The following SEC22A variants were observed in gnomAD, a reference collection of about 807,000 sequenced individuals.
SEC22A encodes the protein SEC22 homolog A, vesicle trafficking protein.
In SEC22A, 22 loss-of-function variants were observed where a neutral mutation model predicts 35.3. That is an observed-to-expected ratio of 0.62 (90% CI 0.45 to 0.89). SEC22A has a LOEUF of 0.89. SEC22A is among the 40% of genes least tolerant of loss of function. The pLI is 0.00. For missense variants in SEC22A, 354 were observed against 362.5 expected (o/e 0.98, Z 0.19); for synonymous variants, 119 against 129.5 (o/e 0.92, Z 0.55).
In SEC22A at chr3:123,229,861, C is replaced by CAA. The variant is rs779270534; in HGVS notation, c.541+4575_541+4576dup. Among the ~76,000 whole-genome samples, 119 of 101,754 alleles carry CAA rather than the reference C, an allele frequency of 1.2e-3. 1 individual carries two copies. Among genetic ancestry groups the CAA allele is most frequent in the Admixed American group, 4.6e-3 (47 of 10,122 alleles). The allele number at this position is 101,754 out of a possible 152,430, so 66.8% of individuals were successfully genotyped here. ...TGGGCAACAGAGCAAGACTTCATCT[C>CAA]AAAAAAAAAAAATAAATAATAATAA... On this transcript the variant is annotated intron_variant, in intron 4 of 6. Coordinates refer to ENST00000492595, the MANE Select transcript of SEC22A (RefSeq NM_012430.5).
intron 4 of SEC22A, among the ~76,000 whole-genome samples, chr3:123,229,362 G>A (rs1937273218): frequency 6.6e-6 from 1 of 152,148 alleles, no homozygotes; most frequent in African/African-American, 2.4e-5. Context: ...ATTAACAGCT[G>A]ACTTCTTAGC....
At chr3:123,217,209 T>TG (rs1457340616) in intron 2 of SEC22A, among the ~76,000 whole-genome samples, 1 of 151,726 alleles carries the variant, frequency 6.6e-6, no homozygotes, top group Non-Finnish European at 1.5e-5. Context: ...AAACATTTTT[T>TG]TTTTTTGAGA....
intron 5 of SEC22A, among the ~76,000 whole-genome samples, chr3:123,256,803 A>C (rs1212687882): frequency 1.1e-4 from 14 of 130,008 alleles, no homozygotes; most frequent in African/African-American, 4.3e-4. Flanking sequence ...TCTGTCACCC[A>C]GGCTGGAGTG....
chr3:123,259,014 G>A (rs1029004175), intron 5 of SEC22A, among the ~76,000 whole-genome samples: 5 of 151,996 alleles, frequency 3.3e-5, no homozygotes, highest in African/African-American at 9.7e-5. Flanking sequence ...AATTTTTCAC[G>A]TTGGGATTTA....
intron 4 of SEC22A, among the ~76,000 whole-genome samples, chr3:123,240,227 G>A (rs968528072): frequency 6.6e-6 from 1 of 152,172 alleles, no homozygotes; most frequent in Non-Finnish European, 1.5e-5. Context: ...AGAATAAAAA[G>A]ACATGATTAC....
chr3:123,224,940 G>A (rs1331294243), intron 3 of SEC22A, among the ~76,000 whole-genome samples, 163 bp from the exon 4 acceptor site: 1 of 152,080 alleles, frequency 6.6e-6, no homozygotes. Flanking sequence ...ATGATTCCAT[G>A]ATACATTAAT....
chr3:123,232,884 G>T (rs912537254), intron 4 of SEC22A, among the ~76,000 whole-genome samples: 2 of 151,950 alleles, frequency 1.3e-5, no homozygotes, highest in African/African-American at 2.4e-5. Context: ...TATAATCCCA[G>T]CACTTTGGGA....
At chr3:123,235,439 G>A (rs1032042277) in intron 4 of SEC22A, among the ~76,000 whole-genome samples, 1 of 145,030 alleles carries the variant, frequency 6.9e-6, no homozygotes, top group African/African-American at 2.5e-5. Flanking sequence ...GATGTTCAAC[G>A]TCATAGTCAT....
chr3:123,234,190 G>A (rs531495994), intron 4 of SEC22A, among the ~76,000 whole-genome samples: 3 of 152,292 alleles, frequency 2.0e-5, no homozygotes, highest in African/African-American at 7.2e-5. Context: ...TATTTACATG[G>A]TTGTACTTCC....
At chr3:123,205,225 T>C (rs950577529) in intron 1 of SEC22A, among the ~76,000 whole-genome samples, 3 of 152,186 alleles carry the variant, frequency 2.0e-5, no homozygotes, top group Non-Finnish European at 2.9e-5. Context: ...TAAATTCAAG[T>C]GCTTTGGATG....
chr3:123,223,139 A>G (rs369466474), intron 2 of SEC22A, among the ~76,000 whole-genome samples: 1 of 152,210 alleles, frequency 6.6e-6, no homozygotes, highest in Admixed American at 6.5e-5. Context: ...ATTGTGTGCA[A>G]TCTTCTGTGT....
intron 4 of SEC22A, among the ~76,000 whole-genome samples, chr3:123,230,675 G>A (rs1184407298): frequency 2.9e-5 from 3 of 104,380 alleles, no homozygotes; most frequent in East Asian, 2.8e-4. Context: ...GTAAAATACC[G>A]TACTACCAAA....
rs1451508100 is a variant in SEC22A, at chr3:123,250,868, AATGAACATGTT to A, written c.657+4856_657+4866del. 3.9e-5 allele frequency among the ~76,000 whole-genome samples: 6 copies of A among 152,236 alleles called. No individual in the cohort carries two copies. The East Asian group carries it at 1.2e-3, about 29-fold the overall frequency. Reference sequence around the variant, plus strand: ...AAAGAAACTGGAAAGATAAGAGACTAATGAACATGTTAGGAACTGGACAGATGGAAAATTGA... The same window carrying A: ...AAAGAAACTGGAAAGATAAGAGACTAAGGAACTGGACAGATGGAAAATTGA... On this transcript the variant is annotated intron_variant, in intron 5 of 6. Transcript: ENST00000492595.
intron 1 of SEC22A, among the ~76,000 whole-genome samples, chr3:123,203,553 T>C (rs776892174): frequency 3.9e-5 from 6 of 152,152 alleles, no homozygotes; most frequent in African/African-American, 1.4e-4. Context: ...AATTGAGATA[T>C]AGAAAGGCAA....
intron 4 of SEC22A, among the ~76,000 whole-genome samples, chr3:123,229,480 T>TA (rs1041774797): frequency 1.3e-5 from 2 of 152,148 alleles, no homozygotes; most frequent in Non-Finnish European, 2.9e-5. Context: ...AGTTATCTTT[T>TA]AAAAAAATGA....
At chr3:123,250,420 T>TA (rs1453558458) in intron 5 of SEC22A, among the ~76,000 whole-genome samples, 1 of 149,332 alleles carries the variant, frequency 6.7e-6, no homozygotes, top group Non-Finnish European at 1.5e-5. Context: ...AAAAAAAAAA[T>TA]AAAAAAATAA....
chr3:123,220,252 A>G (rs1186730207), intron 2 of SEC22A, among the ~76,000 whole-genome samples: 1 of 139,116 alleles, frequency 7.2e-6, no homozygotes, highest in Non-Finnish European at 1.5e-5. Context: ...CTTCAGTCAT[A>G]TTAATGGAGG....
chr3:123,225,187 A>G lies in SEC22A; in HGVS notation c.431A>G (p.Glu144Gly). 1 of 1,613,734 alleles carries G rather than the reference A, an allele frequency of 6.2e-7. No individual in the cohort carries two copies. Among genetic ancestry groups the G allele is most frequent in the African/African-American group, 1.3e-5 (1 of 75,060 alleles). ...TKINLSDMQT[E>G]IKLRPPYQIS... is the part of the protein sequence containing the mutation. ...ATAAATCTTTCTGACATGCAGACGG[A>G]AATCAAGCTGAGGCCTCCTTATCAA... The change falls in exon 4 of 7, where the codon GAA becomes GGA. Residue 144 changes from glutamate (E) to glycine (G), a missense_variant. Coordinates refer to ENST00000492595, the MANE Select transcript of SEC22A (RefSeq NM_012430.5).
chr3:123,217,980 C>T (rs575289664), intron 2 of SEC22A, among the ~76,000 whole-genome samples: 1 of 152,242 alleles, frequency 6.6e-6, no homozygotes, highest in African/African-American at 2.4e-5. Flanking sequence ...CAGAATTGTC[C>T]TAATAATGTC....
Sources: gnomAD v4.1 joint callset for allele counts (sites outside exome capture counted in the v4.1 genomes callset) on GRCh38, gnomAD v4.1.1 for gene constraint, MANE v1.5 for transcripts, NCBI Gene and HGNC (gene_info 2026-07-23, HGNC 2026-07-21) for gene names.